CFAP92: variants seen among roughly 807,000 people sequenced by gnomAD.
CFAP92 encodes uncharacterized protein CFAP92.
Under a neutral mutation model 106.3 loss-of-function variants are expected in CFAP92, and 86 were observed. The observed-to-expected ratio is 0.81, with a 90% CI of 0.68 to 0.97. The LOEUF (loss-of-function observed/expected upper bound fraction) is 0.97, where lower values mean the gene tolerates loss of function less well. Ranked by LOEUF, CFAP92 falls within the 50% of genes least tolerant of loss-of-function variation. The pLI is 0.00. For synonymous variants in CFAP92, 477 were observed against 506.4 expected (o/e 0.94, Z 0.78); for missense variants, 1,204 against 1,283.8 (o/e 0.94, Z 0.95).
upstream of CFAP92, chr3:129,003,400 G>A (rs1289736719): frequency 8.9e-6 from 5 of 559,242 alleles, no homozygotes; most frequent in African/African-American, 1.0e-4. Context: ...GCACGGGGAG[G>A]GCTGGAAATG....
intron 9 of CFAP92, among the ~76,000 whole-genome samples, chr3:128,961,440 G>A (rs868472105): frequency 9.9e-5 from 15 of 151,784 alleles, no homozygotes; most frequent in African/African-American, 2.9e-4. Flanking sequence ...CTCAGCCTCC[G>A]CTCCTCCACC....
intron 1 of CFAP92, chr3:129,002,018 C>T: frequency 1.3e-6 from 2 of 1,545,596 alleles, no homozygotes; most frequent in Non-Finnish European, 1.7e-6. Context: ...AAGAGGCGCG[C>T]CTGGCGCTGC....
At chr3:129,010,865 C>T in the CFAP92 span, among the ~76,000 whole-genome samples, 2 of 152,192 alleles carry the variant, frequency 1.3e-5, no homozygotes, top group Non-Finnish European at 2.9e-5. The surrounding 1 kb of genome is among the most constrained non-coding windows in gnomAD (Gnocchi z 4.3). Flanking sequence ...ACTGCATGCC[C>T]CAGGCCCTCA....
chr3:129,000,170 G>A (rs1055175536), intron 1 of CFAP92, among the ~76,000 whole-genome samples: 2 of 152,198 alleles, frequency 1.3e-5, no homozygotes, highest in South Asian at 4.1e-4. Flanking sequence ...GTGCACAGTG[G>A]CTTTCGAAGG....
the CFAP92 span, among the ~76,000 whole-genome samples, chr3:129,017,553 C>G: frequency 2.0e-5 from 3 of 152,324 alleles, no homozygotes; most frequent in East Asian, 5.8e-4. Flanking sequence ...GGACCGAGGC[C>G]CTATTTCCTT....
At chr3:128,925,920 A>G (rs1399174854) in intron 12 of CFAP92, among the ~76,000 whole-genome samples, 1 of 152,248 alleles carries the variant, frequency 6.6e-6, no homozygotes, top group Non-Finnish European at 1.5e-5. Flanking sequence ...CTGCCAAGCT[A>G]GAATTCTAAA....
chr3:129,022,646 G>T, the CFAP92 span, among the ~76,000 whole-genome samples: 4,685 of 152,290 alleles, frequency 0.031, 130 homozygotes, highest in South Asian at 0.13. Flanking sequence ...TCTGGGGTCT[G>T]CCAGGAAGTG....
intron 4 of CFAP92, among the ~76,000 whole-genome samples, chr3:128,982,672 G>A (rs1943604669): frequency 6.6e-6 from 1 of 152,182 alleles, no homozygotes. Context: ...TTGACTTAAA[G>A]GGAGAGATGT....
chr3:129,010,067 A>T, the CFAP92 span, among the ~76,000 whole-genome samples: 1 of 152,232 alleles, frequency 6.6e-6, no homozygotes, highest in Non-Finnish European at 1.5e-5. This position sits in a 1 kb window ranked among gnomAD's most constrained non-coding sequence, Gnocchi z 4.3. Context: ...ACACGAATGG[A>T]CCAGCGGGCA....
chr3:128,910,077 G>A lies in CFAP92; in HGVS notation c.*222C>T. 1.9e-6 allele frequency: 3 copies of A among 1,614,060 alleles called. No individual in the cohort carries two copies. Among genetic ancestry groups the A allele is most frequent in the Non-Finnish European group, 2.5e-6 (3 of 1,180,020 alleles). ...GGGTGGCCAACATCCTCATCAACCT[G>A]TATGGCATGACGGCCGTGCTGTCGC... On this transcript the variant is annotated 3_prime_UTR_variant, in exon 16 of 16. Coordinates refer to ENST00000645291, the MANE Select transcript of CFAP92 (RefSeq NM_001394090.1).
rs1216659372 is a variant in CFAP92, at chr3:128,994,017, A to G, written c.-70T>C. ...GCGCTGGGCGGCAGCGGGGAGTTGG[A>G]CCGCGGCGGCAACTCCCGTACCGGA... On this transcript the variant is annotated 5_prime_UTR_variant, in exon 1 of 16. Coordinates refer to ENST00000645291, the MANE Select transcript of CFAP92 (RefSeq NM_001394090.1). 8 of 987,122 alleles carry G rather than the reference A, an allele frequency of 8.1e-6. No homozygotes were observed. The highest frequency in any genetic ancestry group is 6.1e-5 in the Admixed American group (1 of 16,498). 61.1% of individuals were successfully genotyped at this position (987,122 alleles called of 1,614,324 possible). A position where few individuals can be genotyped will look rare whatever the true frequency, so the allele number is the denominator to read the frequency against.
intron 11 of CFAP92, among the ~76,000 whole-genome samples, chr3:128,933,596 C>G (rs1938649748): frequency 6.6e-6 from 1 of 152,266 alleles, no homozygotes; most frequent in Non-Finnish European, 1.5e-5. Flanking sequence ...TGCCTTTGCA[C>G]TCACTGTCCC....
At chr3:128,963,279 A>G (rs550390131) in intron 9 of CFAP92, among the ~76,000 whole-genome samples, 1,689 of 151,976 alleles carry the variant, frequency 0.011, 25 homozygotes, top group East Asian at 0.058. Context: ...AGCCAGGACC[A>G]CACCGTGTAG....
At chr3:128,926,507 A>G (rs1937662015) in intron 12 of CFAP92, among the ~76,000 whole-genome samples, 1 of 152,128 alleles carries the variant, frequency 6.6e-6, no homozygotes, top group Admixed American at 6.5e-5. Context: ...AAGCCTGAAT[A>G]CTTTCTCCCC....
At chr3:128,937,937 G>C (rs915988778) in intron 10 of CFAP92, among the ~76,000 whole-genome samples, 1 of 152,058 alleles carries the variant, frequency 6.6e-6, no homozygotes, top group African/African-American at 2.4e-5. Context: ...GGTGGTAGGT[G>C]CCTGTAATCT....
In CFAP92 at chr3:128,947,342, A is replaced by T. The variant is rs534928443; in HGVS notation, c.1354-1367T>A. 3.9e-3 allele frequency among the ~76,000 whole-genome samples: 599 copies of T among 152,374 alleles called. 1 individual carries two copies. Among genetic ancestry groups the T allele is most frequent in the African/African-American group, 0.014 (565 of 41,588 alleles). On this transcript the variant is annotated intron_variant, in intron 9 of 15. Transcript: ENST00000645291. ...AACCAATCAGTTTATAGGTTTACAA[A>T]TGTAATGCAATTCCAATCAAAATCC...
chr3:128,915,456 G>A lies in CFAP92; in HGVS notation c.3024C>T (p.Ala1008=), dbSNP rs1343901720. 7 of 1,535,998 alleles carry A rather than the reference G, an allele frequency of 4.6e-6. No homozygotes were observed. In the African/African-American group the frequency reaches 5.5e-5, roughly 12 times the overall value. Residue 1008 remains alanine (A), a synonymous_variant, in exon 14 of 16, where the codon GCC becomes GCT. Coordinates refer to ENST00000645291, the MANE Select transcript of CFAP92 (RefSeq NM_001394090.1). ...CTTGGAATCCCCTGGCTGTGAGCCAGGCCTGGCGGGATTTCTTCTGGGCTT... is the reference window on the plus strand; with the variant it reads ...CTTGGAATCCCCTGGCTGTGAGCCAAGCCTGGCGGGATTTCTTCTGGGCTT... The part of the protein sequence containing the change: ...EKKAQKKSRQ[A]WLTARGFQVT...
chr3:128,940,202 T>C (rs1939488777), intron 10 of CFAP92, among the ~76,000 whole-genome samples: 2 of 152,248 alleles, frequency 1.3e-5, no homozygotes, highest in African/African-American at 4.8e-5. Context: ...CTTTTACTAC[T>C]TGATGGACAT....
chr3:128,909,991 A>C lies in CFAP92; in HGVS notation c.*308T>G, dbSNP rs1936084661. The C allele has an allele frequency of 1.9e-6, 3 of 1,611,206 alleles. No individual in the cohort carries two copies. The African/African-American group carries it at 4.0e-5, about 22-fold the overall frequency. On this transcript the variant is annotated 3_prime_UTR_variant, in exon 16 of 16. Coordinates refer to ENST00000645291, the MANE Select transcript of CFAP92 (RefSeq NM_001394090.1). ...ATGTGGGGGACTGGTCTAGGTAGTG[A>C]GTCCCCACTTGGAGCCTCTGTGATC... is the stretch of plus-strand genomic sequence containing the variant.
Sources: gnomAD v4.1 joint callset for allele counts (sites outside exome capture counted in the v4.1 genomes callset) on GRCh38, gnomAD v4.1.1 for gene constraint, Gnocchi (gnomAD v3.1) non-coding constraint, MANE v1.5 for transcripts, NCBI Gene and HGNC (gene_info 2026-07-23, HGNC 2026-07-21) for gene names.